The following ANKS1B variants were observed in gnomAD, a reference collection of about 807,000 sequenced individuals.
ANKS1B encodes the protein ankyrin repeat and sterile alpha motif domain-containing protein 1B.
ANKS1B carries 36 observed loss-of-function variants against 148.3 expected under a neutral mutation model. That is an observed-to-expected ratio of 0.24 (90% CI 0.19 to 0.32). The LOEUF (loss-of-function observed/expected upper bound fraction) is 0.32. Among genes scored for constraint, ANKS1B ranks in the 10% least tolerant of loss-of-function variants. The pLI is 1.00. For missense variants in ANKS1B, 1,157 were observed against 1,542.6 expected, an observed-to-expected ratio of 0.75 and a Z score of 4.19; for synonymous variants, 542 against 560.8, an observed-to-expected ratio of 0.97 and a Z score of 0.47.
At chr12:99,421,975 A>T (rs1331178178) in intron 11 of ANKS1B, among the ~76,000 whole-genome samples, 2 of 152,148 alleles carry the variant, frequency 1.3e-5, no homozygotes, top group Non-Finnish European at 2.9e-5. Context: ...GCCTGCTTGC[A>T]CTTCACAACT....
At chr12:98,902,943 T>G (rs191072182) in intron 17 of ANKS1B, among the ~76,000 whole-genome samples, 1 of 152,310 alleles carries the variant, frequency 6.6e-6, no homozygotes, top group Admixed American at 6.5e-5. Context: ...GAGGAGCCCA[T>G]GAACTTGGGA....
At chr12:99,895,478 T>C (rs1207935888) in intron 1 of ANKS1B, among the ~76,000 whole-genome samples, 1 of 150,594 alleles carries the variant, frequency 6.6e-6, no homozygotes, top group African/African-American at 2.4e-5. Flanking sequence ...ACCTTAGTAA[T>C]ATAGGATAGT....
At chr12:99,635,309 T>C (rs1598519728) in intron 9 of ANKS1B, among the ~76,000 whole-genome samples, 1 of 152,300 alleles carries the variant, frequency 6.6e-6, no homozygotes, top group East Asian at 1.9e-4. Context: ...CAAACCCATA[T>C]TATAGAAGCA....
At chr12:99,213,584 T>A (rs1042392925) in intron 14 of ANKS1B, among the ~76,000 whole-genome samples, 1 of 152,216 alleles carries the variant, frequency 6.6e-6, no homozygotes, top group African/African-American at 2.4e-5. Context: ...AATGGGGATG[T>A]GTATATGGAG....
At chr12:99,685,592 G>GA (rs1472214909) in intron 8 of ANKS1B, among the ~76,000 whole-genome samples, 1 of 152,018 alleles carries the variant, frequency 6.6e-6, no homozygotes, top group Non-Finnish European at 1.5e-5. Flanking sequence ...TCTACCCCGT[G>GA]AAAAAGAAGT....
chr12:99,779,352 A>C (rs1468006027), intron 6 of ANKS1B, among the ~76,000 whole-genome samples: 1 of 152,200 alleles, frequency 6.6e-6, no homozygotes, highest in African/African-American at 2.4e-5. Flanking sequence ...TATTATTGAT[A>C]ATCTAGCATT....
At chr12:99,131,214 C>A (rs1600665282) in intron 15 of ANKS1B, among the ~76,000 whole-genome samples, 3 of 152,334 alleles carry the variant, frequency 2.0e-5, no homozygotes, top group African/African-American at 7.2e-5. Flanking sequence ...ACAATGAACA[C>A]CCAACAAACA....
intron 9 of ANKS1B, among the ~76,000 whole-genome samples, chr12:99,591,570 A>G: frequency 6.6e-6 from 1 of 152,064 alleles, no homozygotes; most frequent in African/African-American, 2.4e-5. Flanking sequence ...TCCAGTAAAT[A>G]CCATAGTGTG....
intron 8 of ANKS1B, among the ~76,000 whole-genome samples, chr12:99,703,701 A>G (rs1436139899): frequency 1.3e-5 from 2 of 151,986 alleles, no homozygotes; most frequent in Admixed American, 1.3e-4. Flanking sequence ...ATATTTCTGT[A>G]CTTGTCTCAT....
At chr12:99,861,690 T>C (rs1338049032) in intron 1 of ANKS1B, among the ~76,000 whole-genome samples, 2 of 152,222 alleles carry the variant, frequency 1.3e-5, no homozygotes, top group African/African-American at 4.8e-5. Context: ...GTTATGCAGA[T>C]TTTGTAAACA....
intron 6 of ANKS1B, among the ~76,000 whole-genome samples, chr12:99,775,993 C>T (rs2063611575): frequency 1.3e-5 from 2 of 152,124 alleles, no homozygotes; most frequent in African/African-American, 4.8e-5. Context: ...CCTTATTTTC[C>T]ATCTGAAGAT....
chr12:99,544,365 G>A (rs2153138085), intron 9 of ANKS1B, among the ~76,000 whole-genome samples: 1 of 152,230 alleles, frequency 6.6e-6, no homozygotes, highest in Middle Eastern at 3.4e-3. Context: ...ATTTTCTGGA[G>A]CAGGTTTGAA....
At chr12:99,393,722 A>T (rs1464152249) in intron 12 of ANKS1B, among the ~76,000 whole-genome samples, 1 of 152,134 alleles carries the variant, frequency 6.6e-6, no homozygotes, top group Non-Finnish European at 1.5e-5. Context: ...CAATTATTCC[A>T]ACCCTCTTCT....
At chr12:98,925,656 G>T (rs1350429999) in intron 17 of ANKS1B, among the ~76,000 whole-genome samples, 1 of 152,142 alleles carries the variant, frequency 6.6e-6, no homozygotes, top group Non-Finnish European at 1.5e-5. Context: ...CAGCTTCACA[G>T]TATCCTTGAA....
chr12:98,787,961 A>T (rs1281410075), intron 22 of ANKS1B, among the ~76,000 whole-genome samples: 2 of 150,632 alleles, frequency 1.3e-5, no homozygotes, highest in East Asian at 3.9e-4. Context: ...AAAAGGAAGC[A>T]CAGTGCCAGC....
intron 4 of ANKS1B, among the ~76,000 whole-genome samples, chr12:99,786,707 C>T (rs753274166): frequency 6.6e-6 from 1 of 152,106 alleles, no homozygotes; most frequent in Non-Finnish European, 1.5e-5. Context: ...TCTAGTAATA[C>T]AGGCAGATAT....
At chr12:99,256,997 C>G (rs1206748866) in intron 12 of ANKS1B, among the ~76,000 whole-genome samples, 1 of 152,122 alleles carries the variant, frequency 6.6e-6, no homozygotes, top group African/African-American at 2.4e-5. Flanking sequence ...GTAATCCCAG[C>G]ACTTTGGGAG....
chr12:99,877,082 T>C (rs1007488321), intron 1 of ANKS1B, among the ~76,000 whole-genome samples: 2 of 152,098 alleles, frequency 1.3e-5, no homozygotes, highest in Non-Finnish European at 2.9e-5. Context: ...TTTCACCTCA[T>C]ACCCACTTCA....
At chr12:99,118,300 C>T (rs1379655943) in intron 15 of ANKS1B, among the ~76,000 whole-genome samples, 2 of 152,008 alleles carry the variant, frequency 1.3e-5, no homozygotes, top group Non-Finnish European at 2.9e-5. Flanking sequence ...AATTCTATTA[C>T]CTTGTCCACA....
Sources: gnomAD v4.1 joint callset for allele counts (sites outside exome capture counted in the v4.1 genomes callset) on GRCh38, gnomAD v4.1.1 for gene constraint, MANE v1.5 for transcripts, NCBI Gene and HGNC (gene_info 2026-07-23, HGNC 2026-07-21) for gene names.